Variants in SLC17A4 observed in about 807,000 individuals in gnomAD.
SLC17A4 encodes the protein probable small intestine urate exporter.
A neutral mutation model predicts 52.5 loss-of-function variants in SLC17A4; 33 were observed. That is an observed-to-expected ratio of 0.63 (90% confidence interval 0.48 to 0.84). The LOEUF is 0.84. Ranked by LOEUF, SLC17A4 falls within the 40% of genes least tolerant of loss-of-function variation. The probability of loss-of-function intolerance (pLI) is 0.00; values close to 1 mark genes in which losing one functional copy is unlikely to be tolerated. For synonymous variants in SLC17A4, 225 were observed against 216.2 expected, an observed-to-expected ratio of 1.04 and a Z score of -0.36; for missense variants, 585 against 597.1, an observed-to-expected ratio of 0.98 and a Z score of 0.21.
Position 25,767,748 on chromosome 6 carries a change from A to T in SLC17A4, c.92-1237A>T, listed in dbSNP as rs907243973. On this transcript the variant is annotated intron_variant, in intron 2 of 11. Coordinates refer to ENST00000377905, the MANE Select transcript of SLC17A4 (RefSeq NM_005495.3). ...CATTCTTACCATTCCTGCTTTGTCC[A>T]TTTTTTTGAAAATGCTGGTGAATTA... 2.6e-5 allele frequency among the ~76,000 whole-genome samples: 4 copies of T among 152,108 alleles called. No individual in the cohort carries two copies. In the East Asian group the frequency reaches 7.7e-4, roughly 29 times the overall value.
intron 10 of SLC17A4, chr6:25,777,564 A>AAAC (rs143345736): frequency 0.11 from 18,217 of 161,908 alleles, 1,033 homozygotes; most frequent in African/African-American, 0.15. Context: ...GCAGAAGCCA[A>AAAC]AACAACAACA....
At chr6:25,758,613 A>G (rs1238083723) in intron 1 of SLC17A4, among the ~76,000 whole-genome samples, 1 of 151,988 alleles carries the variant, frequency 6.6e-6, no homozygotes, top group African/African-American at 2.4e-5. Context: ...GATATTTTGT[A>G]TTTCTCTGGT....
At chr6:25,768,181 T>G (rs1327974934) in intron 2 of SLC17A4, among the ~76,000 whole-genome samples, 2 of 152,154 alleles carry the variant, frequency 1.3e-5, no homozygotes, top group Non-Finnish European at 1.5e-5. Flanking sequence ...CTCTCAGAGT[T>G]GAACCAAAGG....
chr6:25,775,501 T>C (rs75583082), intron 8 of SLC17A4, among the ~76,000 whole-genome samples: 3,022 of 152,224 alleles, frequency 0.02, 56 homozygotes, highest in African/African-American at 0.046. Flanking sequence ...AGTGTTTCAC[T>C]CATGGCTCAC....
At chr6:25,762,184 T>C in intron 2 of SLC17A4, 131 bp downstream of exon 2, 1 of 688,396 alleles carries the variant, frequency 1.5e-6, no homozygotes, top group Non-Finnish European at 2.4e-6. Flanking sequence ...CTACCACCAA[T>C]TGCCAATAAT....
At chr6:25,766,528 G>A (rs1047903696) in intron 2 of SLC17A4, among the ~76,000 whole-genome samples, 2 of 152,142 alleles carry the variant, frequency 1.3e-5, no homozygotes, top group Non-Finnish European at 2.9e-5. Flanking sequence ...AAAGAAAAAA[G>A]AGAGTAATTT....
intron 6 of SLC17A4, among the ~76,000 whole-genome samples, chr6:25,772,809 C>T (rs890641645): frequency 1.3e-5 from 2 of 152,168 alleles, no homozygotes; most frequent in Non-Finnish European, 2.9e-5. Context: ...GTGGGGCAAA[C>T]ACGCTACTAA....
At chr6:25,758,421 G>A (rs1761214552) in intron 1 of SLC17A4, among the ~76,000 whole-genome samples, 1 of 152,164 alleles carries the variant, frequency 6.6e-6, no homozygotes, top group African/African-American at 2.4e-5. Flanking sequence ...TGTAACACAT[G>A]TAAACACCAA....
chr6:25,770,493 A>C, intron 5 of SLC17A4, 22 bp downstream of exon 5: 18 of 1,606,498 alleles, frequency 1.1e-5, no homozygotes, highest in Non-Finnish European at 1.4e-5. Flanking sequence ...CCTAAACCTC[A>C]CTTTACATGC....
At position 25,779,327 on chromosome 6, in the gene SLC17A4, T is replaced by C. The variant is rs1763185656; in HGVS notation, c.*139T>C. 7.3e-6 allele frequency: 9 copies of C among 1,226,942 alleles called. No homozygotes were observed. Among genetic ancestry groups the C allele is most frequent in the Non-Finnish European group, 1.0e-5 (9 of 893,268 alleles). 76.0% of individuals were successfully genotyped at this position (1,226,942 alleles called of 1,614,324 possible). On this transcript the variant is annotated 3_prime_UTR_variant, in exon 12 of 12. Transcript: ENST00000377905. ...GTAACGCTAAAGATTTTACCATGCC[T>C]GGAAATTTTACAGGGGAAGAAAACA...
intron 1 of SLC17A4, among the ~76,000 whole-genome samples, chr6:25,761,176 T>G (rs1458308998): frequency 1.3e-5 from 2 of 152,194 alleles, no homozygotes; most frequent in African/African-American, 4.8e-5. Context: ...GATATGAACT[T>G]TCACAATTTT....
chr6:25,764,693 G>A (rs1761855309), intron 2 of SLC17A4, among the ~76,000 whole-genome samples: 1 of 152,272 alleles, frequency 6.6e-6, no homozygotes, highest in East Asian at 1.9e-4. Flanking sequence ...CAGAAGCTGG[G>A]CAGACCACAG....
chr6:25,762,935 T>C (rs1472199587), intron 2 of SLC17A4, among the ~76,000 whole-genome samples: 1 of 152,188 alleles, frequency 6.6e-6, no homozygotes, highest in Non-Finnish European at 1.5e-5. Flanking sequence ...TTAAAATTAA[T>C]AATACGAAGA....
At chr6:25,767,616 G>C (rs1762130825) in intron 2 of SLC17A4, among the ~76,000 whole-genome samples, 1 of 152,142 alleles carries the variant, frequency 6.6e-6, no homozygotes, top group African/African-American at 2.4e-5. Context: ...AGTAGGAACA[G>C]AGTAGTTTAA....
Position 25,776,857 on chromosome 6 carries a change from G to T in SLC17A4, c.1166G>T (p.Arg389Ile). 6.2e-7 allele frequency: 1 copy of T among 1,613,962 alleles called. No individual in the cohort carries two copies. Among genetic ancestry groups the T allele is most frequent in the Non-Finnish European group, 8.5e-7 (1 of 1,179,910 alleles). ...SVILVSLPWVRSSHSMTMTFL... is the reference protein window; with the variant it reads ...SVILVSLPWVISSHSMTMTFL... ...ATCCTCGTGTCCCTGCCCTGGGTCA[G>T]ATCCAGCCACAGCATGACCATGACC... The change falls in exon 10 of 12, where the codon AGA (arginine) becomes ATA (isoleucine). Residue 389 changes from arginine (R) to isoleucine (I), a missense_variant. Arg to Ile is a moderately conservative substitution (Grantham distance 97). Transcript: ENST00000377905.
chr6:25,759,159 G>C (rs1303782485), intron 1 of SLC17A4, among the ~76,000 whole-genome samples: 1 of 152,046 alleles, frequency 6.6e-6, no homozygotes, highest in Non-Finnish European at 1.5e-5. Context: ...TGGTCTGAGG[G>C]AGTACTTGAT....
chr6:25,767,157 G>A (rs1762091144), intron 2 of SLC17A4, among the ~76,000 whole-genome samples: 1 of 152,110 alleles, frequency 6.6e-6, no homozygotes, highest in Non-Finnish European at 1.5e-5. Flanking sequence ...CACAGATTGA[G>A]ATGGAAGCTT....
chr6:25,779,297 AC>A lies in SLC17A4; in HGVS notation c.*110del, dbSNP rs1350918705. 2 of 1,449,764 alleles carry A rather than the reference AC, an allele frequency of 1.4e-6. No individual in the cohort carries two copies. Among genetic ancestry groups the A allele is most frequent in the Non-Finnish European group, 1.9e-6 (2 of 1,070,298 alleles). The allele number at this position is 1,449,764 out of a possible 1,614,324, so 89.8% of individuals were successfully genotyped here. A position where few individuals can be genotyped will look rare whatever the true frequency, so the allele number is the denominator to read the frequency against. Reference sequence around the variant, plus strand: ...CTGATAAGCCATTAGCTAGACCCTGACTATGTAACGCTAAAGATTTTACCAT... The same window carrying A: ...CTGATAAGCCATTAGCTAGACCCTGATATGTAACGCTAAAGATTTTACCAT... On this transcript the variant is annotated 3_prime_UTR_variant, in exon 12 of 12. Coordinates refer to ENST00000377905, the MANE Select transcript of SLC17A4 (RefSeq NM_005495.3).
intron 1 of SLC17A4, among the ~76,000 whole-genome samples, chr6:25,757,644 C>T (rs916524572): frequency 1.3e-5 from 2 of 152,098 alleles, no homozygotes; most frequent in African/African-American, 4.8e-5. Context: ...ACTCCTCTCA[C>T]CCCTCTTGCT....
Sources: allele counts gnomAD v4.1 joint callset (sites outside exome capture counted in the v4.1 genomes callset), GRCh38; gene constraint gnomAD v4.1.1; transcripts MANE v1.5; gene names NCBI Gene and HGNC (gene_info 2026-07-23, HGNC 2026-07-21).